The following ROS1 variants were observed in gnomAD, a reference collection of about 807,000 sequenced individuals.
The protein encoded by ROS1 is proto-oncogene tyrosine-protein kinase ROS.
Under a neutral mutation model 273.5 loss-of-function variants are expected in ROS1, and 263 were observed. The ratio of observed to expected loss-of-function variants is 0.96; its 90% CI spans 0.87 to 1.06. The LOEUF (loss-of-function observed/expected upper bound fraction) is 1.06. ROS1 is among the 50% of genes least tolerant of loss of function. The pLI is 0.00. For synonymous variants in ROS1, 1,008 were observed against 954.1 expected, an observed-to-expected ratio of 1.06 and a Z score of -1.04; for missense variants, 2,833 against 2,751.1, an observed-to-expected ratio of 1.03 and a Z score of -0.67.
intron 34 of ROS1, among the ~76,000 whole-genome samples, chr6:117,325,270 A>C (rs967638237): frequency 1.3e-5 from 2 of 152,214 alleles, no homozygotes; most frequent in African/African-American, 4.8e-5. Context: ...AAGGATGAGA[A>C]GAATTTCAAT....
intron 42 of ROS1, among the ~76,000 whole-genome samples, chr6:117,304,647 A>G (rs2128541608): frequency 6.6e-6 from 1 of 152,310 alleles, no homozygotes; most frequent in East Asian, 1.9e-4. Context: ...TTTGTCCAGC[A>G]TATCTATGCT....
At position 117,383,435 on chromosome 6, in the gene ROS1, A is replaced by G; in HGVS notation, c.2363T>C (p.Val788Ala). Residue 788 changes from valine to alanine, a missense_variant, in exon 17 of 44, where the codon GTG becomes GCG. By Grantham distance (64) the Val-to-Ala change is moderately conservative. Transcript: ENST00000368507. Reference sequence around the variant, plus strand: ...GAGATATCCACCAACTGAATCCACCACCATGTCATTCACCAATAGCTTCAC... The same window carrying G: ...GAGATATCCACCAACTGAATCCACCGCCATGTCATTCACCAATAGCTTCAC... ...THVKLLVNDM[V>A]VDSVGGYLYW... The G allele has an allele frequency of 6.2e-7, 1 of 1,614,036 alleles. No homozygotes were observed. The highest frequency in any genetic ancestry group is 1.7e-5 in the Admixed American group (1 of 60,018).
chr6:117,393,339 A>G lies in ROS1; in HGVS notation c.1192-18T>C. 1 of 1,445,100 alleles carries G rather than the reference A, an allele frequency of 6.9e-7. No individual in the cohort carries two copies. Among genetic ancestry groups the G allele is most frequent in the South Asian group, 1.1e-5 (1 of 87,510 alleles). 89.5% of individuals were successfully genotyped at this position (1,445,100 alleles called of 1,614,324 possible). A position where few individuals can be genotyped will look rare whatever the true frequency, so the allele number is the denominator to read the frequency against. ...ACACATACCTAAAAAAATAAAAAAT[A>G]TACCGGTAGGATTAGCATCTGTCTA... is the stretch of plus-strand genomic sequence containing the variant. On this transcript the variant is annotated intron_variant, in intron 11 of 43. Coordinates refer to ENST00000368507, the MANE Select transcript of ROS1 (RefSeq NM_001378902.1).
At chr6:117,293,762 T>C (rs992112676) in intron 43 of ROS1, among the ~76,000 whole-genome samples, 1 of 152,164 alleles carries the variant, frequency 6.6e-6, no homozygotes, top group Non-Finnish European at 1.5e-5. Flanking sequence ...AAGGTCATGA[T>C]TGTGTTAATT....
chr6:117,295,311 A>G (rs1016481246), intron 43 of ROS1, among the ~76,000 whole-genome samples: 3 of 152,192 alleles, frequency 2.0e-5, no homozygotes, highest in Non-Finnish European at 4.4e-5. Context: ...CTAGACCCCT[A>G]TCTCTCTACA....
chr6:117,413,402 T>C (rs764811364), intron 4 of ROS1, among the ~76,000 whole-genome samples: 1 of 152,204 alleles, frequency 6.6e-6, no homozygotes, highest in Non-Finnish European at 1.5e-5. Flanking sequence ...CCAGCCAACA[T>C]AGGTTTTAAA....
At chr6:117,342,600 G>C in intron 28 of ROS1, 56 bp from the exon 29 acceptor site, 1 of 1,119,426 alleles carries the variant, frequency 8.9e-7, no homozygotes, top group Non-Finnish European at 1.2e-6. Context: ...ATACAAATTG[G>C]TAGAAATTAT....
rs765659451 is a variant in ROS1, at chr6:117,394,258, T to C, written c.1095A>G (p.Val365=). Residue 365 remains valine, a synonymous_variant, in exon 11 of 44, where the codon GTA becomes GTG. Coordinates refer to ENST00000368507, the MANE Select transcript of ROS1 (RefSeq NM_001378902.1). The part of the protein sequence containing the change: ...WAKKAANMSD[V]SDLRIFYRGS... ...CTCTGTAAAAAATTCTCAGGTCAGA[T>C]ACATCAGACATGTTGGCAGCCTTCT... is the stretch of plus-strand genomic sequence containing the variant. 1.8e-5 allele frequency: 29 copies of C among 1,611,196 alleles called. No homozygotes were observed. The Admixed American group carries it at 4.9e-4, about 27-fold the overall frequency.
chr6:117,289,262 A>G (rs942837468), intron 43 of ROS1, among the ~76,000 whole-genome samples: 1 of 152,170 alleles, frequency 6.6e-6, no homozygotes, highest in Non-Finnish European at 1.5e-5. Flanking sequence ...AGATTTAGTA[A>G]TTTTGCTAAA....
chr6:117,316,299 CG>C (rs35992666), intron 39 of ROS1, among the ~76,000 whole-genome samples: 75,710 of 151,780 alleles, frequency 0.5, 19,343 homozygotes, highest in Middle Eastern at 0.57. Context: ...AAGATACATG[CG>C]GGGCCTGAGA....
At chr6:117,328,609 T>C (rs778544566) in intron 33 of ROS1, 21 of 454,250 alleles carry the variant, frequency 4.6e-5, no homozygotes, top group Non-Finnish European at 7.8e-5. Context: ...ACTATAATTA[T>C]GGAAGTGACT....
At chr6:117,372,262 AAAAG>A (rs935994680) in intron 18 of ROS1, among the ~76,000 whole-genome samples, 15 of 152,154 alleles carry the variant, frequency 9.9e-5, no homozygotes, top group African/African-American at 2.9e-4. Context: ...GCAGACAACA[AAAAG>A]AAAGAAAGGG....
At chr6:117,382,832 G>A (rs1045491775) in intron 17 of ROS1, among the ~76,000 whole-genome samples, 1 of 151,942 alleles carries the variant, frequency 6.6e-6, no homozygotes, top group Non-Finnish European at 1.5e-5. Context: ...TAGAATAATA[G>A]TTAACAGTCC....
chr6:117,327,894 T>C lies in ROS1; in HGVS notation c.5348+1435A>G, dbSNP rs139539744. Among the ~76,000 whole-genome samples the C allele has an allele frequency of 3.0e-3, 452 of 152,266 alleles. 1 individual carries two copies. Among genetic ancestry groups the C allele is most frequent in the African/African-American group, 0.01 (432 of 41,542 alleles). ...ATGCAGGAGGTGATGATGACAGTGA[T>C]GCACCTACGAGCCAAGGAATACCAA... On this transcript the variant is annotated intron_variant, in intron 33 of 43. Transcript: ENST00000368507.
chr6:117,375,420 G>T (rs9398456), intron 18 of ROS1, among the ~76,000 whole-genome samples: 9,818 of 106,504 alleles, frequency 0.092, 379 homozygotes, highest in South Asian at 0.14. Context: ...AATACCACCT[G>T]TTCCCCAAAA....
chr6:117,383,595 T>C, intron 16 of ROS1, 87 bp from the exon 17 acceptor site: 3 of 1,030,216 alleles, frequency 2.9e-6, no homozygotes, highest in Non-Finnish European at 4.5e-6. Flanking sequence ...AATAAATTGC[T>C]TGATTAATCA....
intron 26 of ROS1, among the ~76,000 whole-genome samples, chr6:117,353,573 G>C (rs1779058179): frequency 6.6e-6 from 1 of 152,142 alleles, no homozygotes; most frequent in Admixed American, 6.5e-5. Context: ...TTTTATCAGT[G>C]GTTTGGAATG....
In ROS1 at chr6:117,357,811, G is replaced by T. The variant is rs750581358; in HGVS notation, c.3832C>A (p.Leu1278Ile). The change falls in exon 25 of 44, where the codon CTT becomes ATT. Residue 1278 changes from leucine to isoleucine, a missense_variant. Coordinates refer to ENST00000368507, the MANE Select transcript of ROS1 (RefSeq NM_001378902.1). Reference sequence around the variant, plus strand: ...ATACTTGCATTTACATACCTTAAAAGAGGATATACAGAAAAAGAAATTATT... The same window carrying T: ...ATACTTGCATTTACATACCTTAAAATAGGATATACAGAAAAAGAAATTATT... Reference protein sequence around the residue: ...STIISFSVYPLLSRLYWTEVS... With the variant: ...STIISFSVYPILSRLYWTEVS... The T allele has an allele frequency of 1.3e-6, 2 of 1,592,064 alleles. No individual in the cohort carries two copies. The highest frequency in any genetic ancestry group is 1.7e-6 in the Non-Finnish European group (2 of 1,161,772).
intron 43 of ROS1, among the ~76,000 whole-genome samples, chr6:117,293,769 A>C (rs1020864551): frequency 1.8e-4 from 27 of 152,144 alleles, no homozygotes; most frequent in African/African-American, 5.8e-4. Flanking sequence ...TGATTGTGTT[A>C]ATTAATAAAG....
Sources: allele counts gnomAD v4.1 joint callset (sites outside exome capture counted in the v4.1 genomes callset), GRCh38; gene constraint gnomAD v4.1.1; transcripts MANE v1.5; gene names NCBI Gene and HGNC (gene_info 2026-07-23, HGNC 2026-07-21).